Variants in DOCK9 observed in about 807,000 individuals in gnomAD.
DOCK9 encodes dedicator of cytokinesis 9.
In DOCK9, 89 loss-of-function variants were observed where a neutral mutation model predicts 263.3. The observed-to-expected ratio is 0.34, with a 90% confidence interval of 0.28 to 0.40. DOCK9 has a LOEUF of 0.40. Among genes scored for constraint, DOCK9 ranks in the 10% least tolerant of loss-of-function variants. The pLI is 1.00. For missense variants in DOCK9, 2,140 were observed against 2,603.4 expected, an observed-to-expected ratio of 0.82 and a Z score of 3.87; for synonymous variants, 976 against 973.1, an observed-to-expected ratio of 1.00 and a Z score of -0.06.
chr13:98,988,871 C>T (rs116808473), intron 1 of DOCK9, among the ~76,000 whole-genome samples: 392 of 152,328 alleles, frequency 2.6e-3, no homozygotes, highest in African/African-American at 8.8e-3. Flanking sequence ...TTAATTCCCC[C>T]GTGAAAGAAG....
intron 2 of DOCK9, among the ~76,000 whole-genome samples, chr13:98,939,780 C>T (rs536198899): frequency 1.3e-5 from 2 of 152,374 alleles, no homozygotes; most frequent in South Asian, 2.1e-4. Flanking sequence ...AGAGCATCCA[C>T]GTCCATGTTC....
chr13:98,880,972 A>G (rs2044657562), intron 25 of DOCK9, among the ~76,000 whole-genome samples: 1 of 152,256 alleles, frequency 6.6e-6, no homozygotes, highest in South Asian at 2.1e-4. Context: ...TGATACCCTA[A>G]AGGACCAGAA....
At chr13:98,928,004 CAA>C (rs74265290) in intron 3 of DOCK9, among the ~76,000 whole-genome samples, 322 of 62,228 alleles carry the variant, frequency 5.2e-3, no homozygotes, top group Middle Eastern at 0.019. Flanking sequence ...ATCGCACATA[CAA>C]AAAAAAAAAA....
intron 35 of DOCK9, among the ~76,000 whole-genome samples, chr13:98,850,926 C>A (rs924015360): frequency 2.2e-4 from 33 of 152,238 alleles, no homozygotes; most frequent in African/African-American, 7.2e-4. Flanking sequence ...AGAGGTTTCT[C>A]TTAGGGAAAA....
At chr13:99,082,255 C>A (rs947275529) in intron 1 of DOCK9, among the ~76,000 whole-genome samples, 1 of 150,532 alleles carries the variant, frequency 6.6e-6, no homozygotes, top group African/African-American at 2.5e-5. Context: ...CAGTGGCTCA[C>A]CCCTGTAATC....
intron 1 of DOCK9, among the ~76,000 whole-genome samples, chr13:99,031,126 A>C (rs1887299578): frequency 6.6e-6 from 1 of 152,008 alleles, no homozygotes; most frequent in South Asian, 2.1e-4. Context: ...TTTTTTTTAA[A>C]AAAAAGTATC....
At chr13:98,916,143 C>T (rs552134004) in intron 7 of DOCK9, among the ~76,000 whole-genome samples, 13 of 152,310 alleles carry the variant, frequency 8.5e-5, no homozygotes, top group South Asian at 2.1e-4. Flanking sequence ...CAGTAACAGA[C>T]GGAAGATGAA....
intron 1 of DOCK9, among the ~76,000 whole-genome samples, chr13:98,989,575 A>T (rs1181898311): frequency 6.6e-6 from 1 of 152,166 alleles, no homozygotes; most frequent in African/African-American, 2.4e-5. Context: ...CACAGATCCA[A>T]GACAAGGAAA....
chr13:98,906,310 G>C (rs2049086944), intron 9 of DOCK9, among the ~76,000 whole-genome samples: 1 of 152,096 alleles, frequency 6.6e-6, no homozygotes, highest in Non-Finnish European at 1.5e-5. Context: ...ACAGAAGAGA[G>C]GCCACGGAAG....
chr13:99,025,562 T>A (rs558686520), intron 1 of DOCK9, among the ~76,000 whole-genome samples: 13 of 152,286 alleles, frequency 8.5e-5, no homozygotes, highest in African/African-American at 3.1e-4. Context: ...CAGGTATTGG[T>A]GAGGATGTGT....
chr13:98,885,640 T>C, intron 20 of DOCK9, 68 bp downstream of exon 20: 1 of 1,497,308 alleles, frequency 6.7e-7, no homozygotes, highest in Non-Finnish European at 8.9e-7. Context: ...AAATTCAGAA[T>C]CTTAATACAA....
chr13:98,931,703 T>C (rs1171916334), intron 2 of DOCK9, among the ~76,000 whole-genome samples: 1 of 152,256 alleles, frequency 6.6e-6, no homozygotes, highest in African/African-American at 2.4e-5. Context: ...GTTCAAGTGA[T>C]TGTCATGCTT....
intron 45 of DOCK9, among the ~76,000 whole-genome samples, chr13:98,821,252 A>G (rs1322733700): frequency 6.6e-6 from 1 of 152,010 alleles, no homozygotes; most frequent in East Asian, 1.9e-4. Flanking sequence ...CCCCAGTAGG[A>G]GGCTGGGGGG....
At chr13:98,827,920 C>T (rs968335554) in intron 43 of DOCK9, among the ~76,000 whole-genome samples, 86 of 152,200 alleles carry the variant, frequency 5.7e-4, no homozygotes, top group Non-Finnish European at 5.9e-5. Flanking sequence ...AATTCATGGC[C>T]TCCCTGAGAC....
chr13:98,980,427 G>A (rs1005197577), upstream of DOCK9, among the ~76,000 whole-genome samples: 1 of 152,194 alleles, frequency 6.6e-6, no homozygotes, highest in Non-Finnish European at 1.5e-5. Flanking sequence ...AGAGAGCAGG[G>A]GCAATATGGA....
At chr13:98,913,031 G>T (rs1238605573) in intron 9 of DOCK9, among the ~76,000 whole-genome samples, 1 of 152,156 alleles carries the variant, frequency 6.6e-6, no homozygotes, top group Non-Finnish European at 1.5e-5. Flanking sequence ...GTTTACAATG[G>T]TGGCACTAAA....
intron 1 of DOCK9, among the ~76,000 whole-genome samples, chr13:99,074,534 C>T (rs1449969194): frequency 6.6e-6 from 1 of 152,202 alleles, no homozygotes; most frequent in Non-Finnish European, 1.5e-5. Context: ...CGGGTCGCCC[C>T]ACTCCGTGCC....
intron 1 of DOCK9, among the ~76,000 whole-genome samples, chr13:98,999,290 GCACACACACACACA>G (rs1217981239): frequency 2.1e-5 from 3 of 145,762 alleles, no homozygotes; most frequent in African/African-American, 7.6e-5. Flanking sequence ...GCATGCACGC[GCACACACACACACA>G]CACACACACA....
chr13:98,975,199 T>C (rs749843309), intron 1 of DOCK9, among the ~76,000 whole-genome samples: 2 of 152,046 alleles, frequency 1.3e-5, no homozygotes, highest in Non-Finnish European at 2.9e-5. Context: ...ACCAACATGA[T>C]GAAACCCTGT....
Sources: allele counts gnomAD v4.1 joint callset (sites outside exome capture counted in the v4.1 genomes callset), GRCh38; gene constraint gnomAD v4.1.1; transcripts MANE v1.5; gene names NCBI Gene and HGNC (gene_info 2026-07-23, HGNC 2026-07-21).